CTNND2: variants seen among roughly 807,000 people sequenced by gnomAD.
CTNND2 encodes the protein catenin delta-2.
Under a neutral mutation model 144.4 loss-of-function variants are expected in CTNND2, and 22 were observed. The ratio of observed to expected loss-of-function variants is 0.15; its 90% CI spans 0.11 to 0.22. The LOEUF (loss-of-function observed/expected upper bound fraction) is 0.22. Ranked by LOEUF, CTNND2 falls within the 10% of genes least tolerant of loss-of-function variation. The pLI is 1.00. For missense variants in CTNND2, 1,353 were observed against 1,618.8 expected, an observed-to-expected ratio of 0.84 and a Z score of 2.82; for synonymous variants, 751 against 695.6, an observed-to-expected ratio of 1.08 and a Z score of -1.25.
At chr5:11,302,834 G>A (rs1749752986) in intron 9 of CTNND2, among the ~76,000 whole-genome samples, 1 of 152,210 alleles carries the variant, frequency 6.6e-6, no homozygotes, top group Non-Finnish European at 1.5e-5. Context: ...ATGAGGCAAT[G>A]CCTGGTAGGT....
At chr5:11,241,033 C>T (rs1210036936) in intron 9 of CTNND2, among the ~76,000 whole-genome samples, 5 of 149,402 alleles carry the variant, frequency 3.3e-5, no homozygotes, top group Admixed American at 3.3e-4. Context: ...CACACACCCA[C>T]CCCAACACAC....
intron 2 of CTNND2, among the ~76,000 whole-genome samples, chr5:11,584,084 AT>A (rs1778642890): frequency 6.6e-6 from 1 of 152,226 alleles, no homozygotes; most frequent in African/African-American, 2.4e-5. Flanking sequence ...TCAACACTGA[AT>A]ATAGTATCTC....
At chr5:11,058,928 AG>A (rs1746625245) in intron 16 of CTNND2, among the ~76,000 whole-genome samples, 1 of 152,208 alleles carries the variant, frequency 6.6e-6, no homozygotes, top group South Asian at 2.1e-4. Flanking sequence ...TGGGTCCTGT[AG>A]CCCCTTTGTT....
intron 2 of CTNND2, among the ~76,000 whole-genome samples, chr5:11,711,569 T>C (rs1036608933): frequency 2.0e-5 from 3 of 152,210 alleles, no homozygotes; most frequent in Non-Finnish European, 4.4e-5. Context: ...TTACTACATG[T>C]TATGAACTGT....
At chr5:11,609,283 ACTATGCCTTC>A (rs1377936550) in intron 2 of CTNND2, among the ~76,000 whole-genome samples, 2 of 152,226 alleles carry the variant, frequency 1.3e-5, no homozygotes, top group African/African-American at 4.8e-5. Flanking sequence ...TGGTTTAAGA[ACTATGCCTTC>A]CTATCTACTG....
intron 2 of CTNND2, among the ~76,000 whole-genome samples, chr5:11,685,266 T>A (rs1341825227): frequency 6.6e-6 from 1 of 152,214 alleles, no homozygotes; most frequent in Admixed American, 6.5e-5. Flanking sequence ...TAAGGGAGTC[T>A]TGGAGAAAAA....
At chr5:11,185,041 T>G (rs1416137044) in intron 11 of CTNND2, among the ~76,000 whole-genome samples, 1 of 152,184 alleles carries the variant, frequency 6.6e-6, no homozygotes, top group Non-Finnish European at 1.5e-5. Flanking sequence ...GATGACTCAG[T>G]TCTCAATCCA....
At chr5:11,030,961 G>A (rs1580090078) in intron 16 of CTNND2, among the ~76,000 whole-genome samples, 1 of 151,944 alleles carries the variant, frequency 6.6e-6, no homozygotes, top group Admixed American at 6.6e-5. Context: ...GTTTTAGGCT[G>A]TCTCTGTGTT....
intron 2 of CTNND2, among the ~76,000 whole-genome samples, chr5:11,642,605 G>T (rs1453724209): frequency 6.6e-6 from 1 of 152,182 alleles, no homozygotes; most frequent in Admixed American, 6.5e-5. Context: ...TGCGAGATGA[G>T]GGCCAAGAGG....
chr5:11,102,591 A>G (rs1178624342), intron 14 of CTNND2, among the ~76,000 whole-genome samples: 1 of 152,248 alleles, frequency 6.6e-6, no homozygotes, highest in Non-Finnish European at 1.5e-5. Context: ...ATACAACTGC[A>G]TGACTAATAT....
chr5:11,880,890 TACTACC>T (rs1399086527), intron 1 of CTNND2, among the ~76,000 whole-genome samples: 12 of 146,866 alleles, frequency 8.2e-5, no homozygotes, highest in African/African-American at 1.5e-4. Flanking sequence ...GTACTACTAC[TACTACC>T]ATTACTACTA....
chr5:11,101,885 A>ATG (rs1491537465), intron 14 of CTNND2, among the ~76,000 whole-genome samples: 4 of 89,678 alleles, frequency 4.5e-5, no homozygotes, highest in South Asian at 8.2e-4. Flanking sequence ...TGACGACCAC[A>ATG]TATGTGTGTG....
intron 5 of CTNND2, among the ~76,000 whole-genome samples, chr5:11,410,958 G>T (rs940097505): frequency 6.6e-5 from 10 of 151,232 alleles, no homozygotes; most frequent in African/African-American, 1.9e-4. Flanking sequence ...TGCAACCTCT[G>T]CCTCCTGGAT....
intron 3 of CTNND2, among the ~76,000 whole-genome samples, chr5:11,447,731 C>A (rs1446411671): frequency 3.9e-5 from 6 of 152,132 alleles, no homozygotes; most frequent in Non-Finnish European, 8.8e-5. Flanking sequence ...ACTGTCCACC[C>A]AGACAGAAGT....
intron 1 of CTNND2, among the ~76,000 whole-genome samples, chr5:11,853,016 C>T (rs1795088607): frequency 2.0e-5 from 3 of 152,158 alleles, no homozygotes; most frequent in South Asian, 4.2e-4. Context: ...AAAAGAATCA[C>T]ATTCAAACCT....
intron 16 of CTNND2, among the ~76,000 whole-genome samples, chr5:11,049,986 C>A (rs1237841516): frequency 1.3e-5 from 2 of 152,176 alleles, no homozygotes. Context: ...AGTGCCCAAC[C>A]AATTTCAGTG....
At chr5:11,339,757 C>T (rs1754059352) in intron 9 of CTNND2, among the ~76,000 whole-genome samples, 1 of 152,144 alleles carries the variant, frequency 6.6e-6, no homozygotes, top group South Asian at 2.1e-4. Flanking sequence ...AGAGAGAAGG[C>T]ACCATCTCTG....
rs563678446 is a variant in CTNND2 at position 11,518,262 on chromosome 5, TA to T, written c.287+46681del. 1.4e-3 allele frequency among the ~76,000 whole-genome samples: 208 copies of T among 148,360 alleles called. 2 individuals carry two copies. The highest frequency in any genetic ancestry group is 4.9e-3 in the African/African-American group (195 of 39,656). ...GTTTTTACTTAAAACATTTAAAGAG[TA>T]AAAAAAATAAATAAATAAAAGTAAA... On this transcript the variant is annotated intron_variant, in intron 3 of 21. Coordinates refer to ENST00000304623, the MANE Select transcript of CTNND2 (RefSeq NM_001332.4).
chr5:11,615,278 C>A (rs1279995379), intron 2 of CTNND2, among the ~76,000 whole-genome samples: 1 of 152,090 alleles, frequency 6.6e-6, no homozygotes, highest in Non-Finnish European at 1.5e-5. Context: ...GGCCTAATAA[C>A]TGAAACCATG....
Sources: allele counts gnomAD v4.1 joint callset (sites outside exome capture counted in the v4.1 genomes callset), GRCh38; gene constraint gnomAD v4.1.1; transcripts MANE v1.5; gene names NCBI Gene and HGNC (gene_info 2026-07-23, HGNC 2026-07-21).